The following CSNK1G3 variants were observed in gnomAD, a reference collection of about 807,000 sequenced individuals.
CSNK1G3 encodes the protein casein kinase 1 gamma 3, also known as casein kinase I isoform gamma-3.
CSNK1G3 carries 23 observed loss-of-function variants against 64.3 expected under a neutral mutation model. That is an observed-to-expected ratio of 0.36 (90% CI 0.26 to 0.51). The LOEUF (loss-of-function observed/expected upper bound fraction) is 0.51. CSNK1G3 is among the 20% of genes least tolerant of loss of function. The pLI is 0.96. For synonymous variants in CSNK1G3, 158 were observed against 162.2 expected, an observed-to-expected ratio of 0.97 and a Z score of 0.20; for missense variants, 357 against 510.5, an observed-to-expected ratio of 0.70 and a Z score of 2.90.
intron 1 of CSNK1G3, among the ~76,000 whole-genome samples, chr5:123,542,789 C>A (rs1243341174): frequency 6.6e-6 from 1 of 151,206 alleles, no homozygotes; most frequent in Non-Finnish European, 1.5e-5. Flanking sequence ...TTTTTTCTCT[C>A]TCTGCTTTCA....
intron 1 of CSNK1G3, among the ~76,000 whole-genome samples, chr5:123,524,206 A>G (rs1163182501): frequency 2.0e-5 from 3 of 152,130 alleles, no homozygotes; most frequent in African/African-American, 7.2e-5. Context: ...AGTTGTTGAA[A>G]ACTCTCCTGG....
chr5:123,573,305 C>G, intron 4 of CSNK1G3, 88 bp from the exon 5 acceptor site: 1 of 1,398,766 alleles, frequency 7.1e-7, no homozygotes, highest in Non-Finnish European at 1.0e-6. Context: ...GTTCTTGAAA[C>G]TATAAAATTT....
At chr5:123,562,725 T>C (rs1786014885) in intron 4 of CSNK1G3, among the ~76,000 whole-genome samples, 1 of 150,970 alleles carries the variant, frequency 6.6e-6, no homozygotes, top group Admixed American at 6.7e-5. Context: ...TTTGGACAAC[T>C]AGAGATCAAA....
At chr5:123,518,437 CTG>C (rs1166188967) in intron 1 of CSNK1G3, among the ~76,000 whole-genome samples, 3 of 152,186 alleles carry the variant, frequency 2.0e-5, no homozygotes, top group Non-Finnish European at 2.9e-5. Context: ...GTCTGCCCCT[CTG>C]TGATTTTCTT....
chr5:123,566,019 AAAATGGATCATGATATTACTGTG>A (rs1480060792), intron 4 of CSNK1G3, among the ~76,000 whole-genome samples: 2 of 152,194 alleles, frequency 1.3e-5, no homozygotes, highest in Non-Finnish European at 2.9e-5. Flanking sequence ...TCTAGACCTG[AAAATGGATCATGATATTACTGTG>A]AAATGGATCA....
intron 8 of CSNK1G3, 93 bp downstream of exon 8, chr5:123,588,604 TA>T (rs201147282): frequency 8.8e-3 from 6,200 of 701,570 alleles, no homozygotes; most frequent in South Asian, 0.012. Flanking sequence ...TTTCTATGCT[TA>T]AAAAAAAAAG....
intron 6 of CSNK1G3, among the ~76,000 whole-genome samples, chr5:123,583,332 C>G (rs1366092023): frequency 2.0e-5 from 2 of 101,356 alleles, no homozygotes; most frequent in Non-Finnish European, 4.5e-5. Context: ...TCAATTTTCA[C>G]TTGTTCGTTG....
chr5:123,603,757 G>GA (rs1794879681), intron 10 of CSNK1G3, among the ~76,000 whole-genome samples: 1 of 152,106 alleles, frequency 6.6e-6, no homozygotes, highest in Non-Finnish European at 1.5e-5. Context: ...AATAGGTAAT[G>GA]CCAAGGCCTT....
exon 13 of CSNK1G3, chr5:123,616,725 A>G (rs1749513979): frequency 6.6e-6 from 1 of 152,598 alleles, no homozygotes; most frequent in South Asian, 2.1e-4. Flanking sequence ...GTTTAAAAGT[A>G]TGTAACTGAA....
chr5:123,523,472 A>C (rs1580870995), intron 1 of CSNK1G3, among the ~76,000 whole-genome samples: 1 of 152,144 alleles, frequency 6.6e-6, no homozygotes, highest in African/African-American at 2.4e-5. Context: ...GGATGAGTTC[A>C]ATATATTCAA....
chr5:123,565,640 A>G (rs1427974628), intron 4 of CSNK1G3, among the ~76,000 whole-genome samples: 1 of 152,162 alleles, frequency 6.6e-6, no homozygotes, highest in African/African-American at 2.4e-5. Context: ...ATTTATAAGA[A>G]AAGAGGTTTA....
intron 4 of CSNK1G3, among the ~76,000 whole-genome samples, chr5:123,572,083 G>A (rs975942178): frequency 5.3e-5 from 8 of 152,168 alleles, no homozygotes; most frequent in African/African-American, 1.7e-4. Flanking sequence ...CAGTTCCTGG[G>A]CAGATGTCCT....
At chr5:123,570,330 G>A (rs774894604) in intron 4 of CSNK1G3, among the ~76,000 whole-genome samples, 10 of 149,174 alleles carry the variant, frequency 6.7e-5, no homozygotes, top group Non-Finnish European at 7.4e-5. Flanking sequence ...AGTAGAGAAC[G>A]TTTTGACAGT....
At chr5:123,614,953 T>C (rs1451374439) in exon 13 of CSNK1G3, 1 of 152,650 alleles carries the variant, frequency 6.6e-6, no homozygotes, top group African/African-American at 2.4e-5. Flanking sequence ...TAACATTCTC[T>C]CCGTGAAATC....
intron 5 of CSNK1G3, among the ~76,000 whole-genome samples, chr5:123,574,042 G>A (rs956278750): frequency 3.3e-5 from 5 of 151,982 alleles, no homozygotes; most frequent in African/African-American, 1.2e-4. Context: ...GTAGAGACAG[G>A]GTTTCACCAT....
chr5:123,600,903 CT>C (rs376563590), intron 10 of CSNK1G3, among the ~76,000 whole-genome samples: 5,508 of 138,172 alleles, frequency 0.04, 197 homozygotes, highest in African/African-American at 0.11. Context: ...GTCTAGTTGC[CT>C]TTTTTTTTTT....
exon 1 of CSNK1G3, chr5:123,512,276 C>G (rs1177734030): frequency 6.5e-6 from 1 of 152,674 alleles, no homozygotes; most frequent in African/African-American, 2.4e-5. Flanking sequence ...TCATTCCGGG[C>G]TGCATCGGTG....
At position 123,595,250 on chromosome 5, in the gene CSNK1G3, C is replaced by G. The variant is rs753773800; in HGVS notation, c.1086+3836C>G. ...ATGGAAAATTTGTTGCTGAACTACT[C>G]TATCCATAATTCTATTCCTTTGTTA... On this transcript the variant is annotated intron_variant, in intron 10 of 12. Transcript: ENST00000345990. The G allele has an allele frequency of 6.9e-4, 631 of 914,650 alleles. 2 individuals carry two copies. The highest frequency in any genetic ancestry group is 1.2e-3 in the Middle Eastern group (5 of 4,186). The allele number at this position is 914,650 out of a possible 1,614,324, so 56.7% of individuals were successfully genotyped here.
intron 10 of CSNK1G3, among the ~76,000 whole-genome samples, chr5:123,602,562 A>C (rs1794685353): frequency 6.6e-6 from 1 of 152,154 alleles, no homozygotes; most frequent in African/African-American, 2.4e-5. Flanking sequence ...ATTTAAAGAG[A>C]TTAGGTAGTG....
Sources: gnomAD v4.1 joint callset for allele counts (sites outside exome capture counted in the v4.1 genomes callset) on GRCh38, gnomAD v4.1.1 for gene constraint, MANE v1.5 for transcripts, NCBI Gene and HGNC (gene_info 2026-07-23, HGNC 2026-07-21) for gene names.